Variants in KLF13 observed in about 807,000 individuals in gnomAD.
The protein encoded by KLF13 is KLF transcription factor 13.
KLF13 carries 8 observed loss-of-function variants against 16.7 expected under a neutral mutation model. The ratio of observed to expected loss-of-function variants is 0.48; its 90% CI spans 0.28 to 0.87. The LOEUF (loss-of-function observed/expected upper bound fraction) is 0.87, where lower values mean the gene tolerates loss of function less well. Among genes scored for constraint, KLF13 ranks in the 40% least tolerant of loss-of-function variants. The pLI, the probability that KLF13 is intolerant of heterozygous loss-of-function variation, is 0.10. For missense variants in KLF13, 447 were observed against 452.2 expected (o/e 0.99, Z 0.10); for synonymous variants, 245 against 208.4 (o/e 1.18, Z -1.51).
rs907192949 is a variant in KLF13, at chr15:31,376,037, C to T, written c.*3738C>T. ...CAGCTCAGACCAGTGAGGGGTGATT[C>T]AGAGGTGGGGATGGGCAGAGAGGGC... On this transcript the variant is annotated 3_prime_UTR_variant, in exon 2 of 2. Coordinates refer to ENST00000307145, the MANE Select transcript of KLF13 (RefSeq NM_015995.4). 6.6e-6 allele frequency: 1 copy of T among 152,566 alleles called. No homozygotes were observed. The highest frequency in any genetic ancestry group is 1.5e-5 in the Non-Finnish European group (1 of 68,052). 9.5% of individuals were successfully genotyped at this position (152,566 alleles called of 1,614,324 possible).
chr15:31,330,556 A>G (rs979621410), intron 1 of KLF13, among the ~76,000 whole-genome samples: 2 of 152,168 alleles, frequency 1.3e-5, no homozygotes, highest in African/African-American at 4.8e-5. Flanking sequence ...GAGAAGTGCA[A>G]GGGTCAGCCT....
At chr15:31,421,126 C>T (rs189099581) in intron 1 of KLF13, among the ~76,000 whole-genome samples, 5 of 151,984 alleles carry the variant, frequency 3.3e-5, no homozygotes, top group African/African-American at 9.7e-5. Context: ...AATTAAGCCT[C>T]GGTTGAGCCA....
intron 1 of KLF13, among the ~76,000 whole-genome samples, chr15:31,419,800 A>T (rs1400670686): frequency 3.3e-5 from 5 of 152,226 alleles, no homozygotes; most frequent in African/African-American, 1.2e-4. Flanking sequence ...GAAAATGGAC[A>T]TCCAAATTCT....
intron 2 of KLF13, among the ~76,000 whole-genome samples, chr15:31,394,095 C>G (rs1453622273): frequency 6.6e-6 from 1 of 151,518 alleles, no homozygotes; most frequent in Non-Finnish European, 1.5e-5. Flanking sequence ...GAGATGCTGA[C>G]AGCGCTGGGG....
Position 31,327,710 on chromosome 15 carries a change from G to C in KLF13, c.498G>C (p.Lys166Asn). Residue 166 changes from lysine to asparagine, a missense_variant, in exon 1 of 2, where the codon AAG becomes AAC. Lys to Asn is a moderately conservative substitution (Grantham distance 94). Transcript: ENST00000307145. ...CCGACCTCGAGTCCCCGCAGAGGAA[G>C]CACAAGTGCCACTACGCGGGCTGCG... ...SRADLESPQRKHKCHYAGCEK... is the reference protein window; with the variant it reads ...SRADLESPQRNHKCHYAGCEK... 1 of 1,539,496 alleles carries C rather than the reference G, an allele frequency of 6.5e-7. No homozygotes were observed. The highest frequency in any genetic ancestry group is 8.8e-7 in the Non-Finnish European group (1 of 1,139,836).
At chr15:31,424,712 A>C (rs1360505054) in intron 1 of KLF13, among the ~76,000 whole-genome samples, 1 of 152,188 alleles carries the variant, frequency 6.6e-6, no homozygotes, top group African/African-American at 2.4e-5. Context: ...AAGGTTAGGG[A>C]CAAGGCAAAG....
intron 1 of KLF13, among the ~76,000 whole-genome samples, chr15:31,385,914 GTAGT>G (rs752603251): frequency 6.6e-6 from 1 of 152,362 alleles, no homozygotes; most frequent in Admixed American, 6.5e-5. Flanking sequence ...GCTGTGCCAA[GTAGT>G]TAGCCACATT....
At chr15:31,399,270 C>T (rs1443459206) in intron 2 of KLF13, among the ~76,000 whole-genome samples, 1 of 152,314 alleles carries the variant, frequency 6.6e-6, no homozygotes, top group African/African-American at 2.4e-5. Context: ...CAACCTCTGC[C>T]TCCCAGGATC....
Position 31,327,659 on chromosome 15 carries a change from A to G in KLF13, c.447A>G (p.Gln149=), listed in dbSNP as rs1168099306. 1.3e-6 allele frequency: 2 copies of G among 1,486,552 alleles called. No individual in the cohort carries two copies. The highest frequency in any genetic ancestry group is 1.5e-5 in the African/African-American group (1 of 68,114). 92.1% of individuals were successfully genotyped at this position (1,486,552 alleles called of 1,614,324 possible). A position where few individuals can be genotyped will look rare whatever the true frequency, so the allele number is the denominator to read the frequency against. ...PAGSGEPGLR[Q]RVRRGRSRAD... The stretch of plus-strand genomic sequence containing the variant: ...GGAGCGGCGAGCCCGGCCTCAGACA[A>G]AGGGTCCGGCGGGGCCGAAGTCGCG... Residue 149 remains glutamine, a synonymous_variant, in exon 1 of 2, where the codon CAA becomes CAG. Transcript: ENST00000307145.
At position 31,429,845 on chromosome 15, in the gene KLF13, G is replaced by A. The variant is rs190373776; in HGVS notation, n.118-5525G>A. ...GCCTCCCAGGTTCACACCATTCTCC[G>A]GCCTCAGCCTCCCGAGTAGCTGGGA... On this transcript the variant is annotated intron_variant and non_coding_transcript_variant, in intron 1 of 1. Coordinates refer to the KLF13 transcript ENST00000558225. Among the ~76,000 whole-genome samples the A allele has an allele frequency of 5.9e-3, 901 of 151,604 alleles. 11 individuals carry two copies. The highest frequency in any genetic ancestry group is 0.021 in the African/African-American group (867 of 41,340).
At chr15:31,333,623 G>A (rs191833515) in intron 1 of KLF13, among the ~76,000 whole-genome samples, 61 of 151,128 alleles carry the variant, frequency 4.0e-4, no homozygotes, top group Non-Finnish European at 6.8e-4. Context: ...TTTCCATCTC[G>A]CCTCTCTCTT....
chr15:31,429,277 C>T lies in KLF13; in HGVS notation n.118-6093C>T, dbSNP rs374378537. Among the ~76,000 whole-genome samples the T allele has an allele frequency of 1.1e-4, 16 of 152,270 alleles. No individual in the cohort carries two copies. In the East Asian group the frequency reaches 1.5e-3, roughly 15 times the overall value. On this transcript the variant is annotated intron_variant and non_coding_transcript_variant, in intron 1 of 1. Coordinates refer to the KLF13 transcript ENST00000558225. ...CCTAAAAAGGAAGGGAATTCTGACACTTGGTACTACACAGATGAACGTTGA... is the reference window on the plus strand; with the variant it reads ...CCTAAAAAGGAAGGGAATTCTGACATTTGGTACTACACAGATGAACGTTGA...
intron 1 of KLF13, among the ~76,000 whole-genome samples, chr15:31,369,243 G>T (rs571192843): frequency 6.6e-6 from 1 of 152,300 alleles, no homozygotes; most frequent in African/African-American, 2.4e-5. Context: ...CAGGTCAGTT[G>T]TATGGCCTTT....
At chr15:31,345,659 C>T (rs1397272903) in intron 1 of KLF13, among the ~76,000 whole-genome samples, 1 of 152,222 alleles carries the variant, frequency 6.6e-6, no homozygotes, top group Non-Finnish European at 1.5e-5. Context: ...CTGCCCTACT[C>T]ACTGTCTTCC....
intron 1 of KLF13, among the ~76,000 whole-genome samples, chr15:31,370,044 C>CTTTTTTTTTTTTT (rs912005994): frequency 1.0e-5 from 1 of 99,294 alleles, no homozygotes. Flanking sequence ...TCTCCTTTTT[C>CTTTTTTTTTTTTT]TTTTTTTTTT....
At chr15:31,413,179 T>TA (rs2040214344) in intron 1 of KLF13, among the ~76,000 whole-genome samples, 1 of 51,958 alleles carries the variant, frequency 1.9e-5, no homozygotes, top group African/African-American at 7.7e-5. Context: ...AGAGAGAAAA[T>TA]GAATAGACAA....
intron 1 of KLF13, among the ~76,000 whole-genome samples, chr15:31,362,308 C>T (rs918965181): frequency 4.6e-5 from 7 of 152,220 alleles, no homozygotes; most frequent in African/African-American, 1.2e-4. Context: ...CAGTTTGCAG[C>T]GTGACCCAGG....
chr15:31,363,427 C>T (rs1048260702), intron 1 of KLF13, among the ~76,000 whole-genome samples: 6 of 152,134 alleles, frequency 3.9e-5, no homozygotes, highest in East Asian at 3.8e-4. Context: ...TTATCTCTTG[C>T]CTTTGTTTAT....
At chr15:31,426,491 A>G (rs1271718356) in intron 1 of KLF13, among the ~76,000 whole-genome samples, 5 of 152,232 alleles carry the variant, frequency 3.3e-5, no homozygotes, top group Admixed American at 6.5e-5. Flanking sequence ...CTGTGCATCA[A>G]ATAAAACAAT....
Sources: gnomAD v4.1 joint callset for allele counts (sites outside exome capture counted in the v4.1 genomes callset) on GRCh38, gnomAD v4.1.1 for gene constraint, MANE v1.5 for transcripts, NCBI Gene and HGNC (gene_info 2026-07-23, HGNC 2026-07-21) for gene names.